The following EYA1 variants were observed in gnomAD, a reference collection of about 807,000 sequenced individuals.
EYA1 encodes the protein EYA transcriptional coactivator and phosphatase 1.
In EYA1, 16 loss-of-function variants were observed where a neutral mutation model predicts 82.0. The ratio of observed to expected loss-of-function variants is 0.20; its 90% CI spans 0.13 to 0.30. The LOEUF (loss-of-function observed/expected upper bound fraction) is 0.30. Ranked by LOEUF, EYA1 falls within the 10% of genes least tolerant of loss-of-function variation. EYA1 has a pLI of 1.00. For synonymous variants in EYA1, 261 were observed against 264.4 expected (o/e 0.99, Z 0.12); for missense variants, 633 against 730.7 (o/e 0.87, Z 1.54).
intron 3 of EYA1, among the ~76,000 whole-genome samples, chr8:71,341,272 C>T (rs752974115): frequency 2.6e-5 from 4 of 152,148 alleles, no homozygotes; most frequent in Non-Finnish European, 5.9e-5. Context: ...TATAAAGCAA[C>T]ACAATTATGC....
At chr8:71,489,300 TTCTA>T (rs1469825038) in intron 2 of EYA1, among the ~76,000 whole-genome samples, 8 of 152,182 alleles carry the variant, frequency 5.3e-5, no homozygotes, top group Admixed American at 2.6e-4. Context: ...CATTTTACTT[TTCTA>T]TCTTTTTTTT....
At chr8:71,250,400 C>T (rs1813610013) in intron 11 of EYA1, among the ~76,000 whole-genome samples, 1 of 152,168 alleles carries the variant, frequency 6.6e-6, no homozygotes, top group Non-Finnish European at 1.5e-5. Flanking sequence ...CCCCGCTGGG[C>T]CCCTTTCCCA....
chr8:71,315,533 G>A (rs766885326), intron 7 of EYA1, among the ~76,000 whole-genome samples: 7 of 152,182 alleles, frequency 4.6e-5, no homozygotes, highest in Non-Finnish European at 7.4e-5. Flanking sequence ...TTTTCCTGAT[G>A]TCTCCCGGAG....
chr8:71,345,700 A>G (rs1481265588), intron 3 of EYA1, among the ~76,000 whole-genome samples: 2 of 152,288 alleles, frequency 1.3e-5, no homozygotes, highest in East Asian at 1.9e-4. Flanking sequence ...AGAAAAAGAT[A>G]ATAATATGTA....
intron 2 of EYA1, among the ~76,000 whole-genome samples, chr8:71,402,981 T>C (rs562060574): frequency 6.6e-6 from 1 of 152,230 alleles, no homozygotes; most frequent in South Asian, 2.1e-4. Flanking sequence ...TAAAAAATAT[T>C]AAAAAGAAAA....
intron 2 of EYA1, among the ~76,000 whole-genome samples, chr8:71,514,011 C>T (rs895489638): frequency 9.2e-5 from 14 of 152,072 alleles, no homozygotes; most frequent in African/African-American, 3.1e-4. Context: ...ATATGTACCA[C>T]GTTTTCTTTA....
intron 3 of EYA1, among the ~76,000 whole-genome samples, chr8:71,353,349 T>A (rs1165251348): frequency 6.6e-6 from 1 of 152,210 alleles, no homozygotes; most frequent in African/African-American, 2.4e-5. Context: ...TTTTATTTGC[T>A]CTATAAAATC....
At chr8:71,204,779 T>C (rs1371054238) in intron 17 of EYA1, among the ~76,000 whole-genome samples, 1 of 152,220 alleles carries the variant, frequency 6.6e-6, no homozygotes. Flanking sequence ...ACTTTTCAAA[T>C]TGTAAAGAAA....
At chr8:71,523,474 G>A (rs985455204) in intron 2 of EYA1, among the ~76,000 whole-genome samples, 2 of 151,936 alleles carry the variant, frequency 1.3e-5, no homozygotes, top group South Asian at 2.1e-4. Context: ...TACCGCGCCC[G>A]GCCAAAAATC....
chr8:71,507,582 T>C (rs528801519), intron 2 of EYA1, among the ~76,000 whole-genome samples: 1 of 152,352 alleles, frequency 6.6e-6, no homozygotes. Context: ...AGGTTATTAT[T>C]CTTACAGCAT....
At chr8:71,213,072 G>GA (rs34202983) in intron 16 of EYA1, among the ~76,000 whole-genome samples, 52 of 147,436 alleles carry the variant, frequency 3.5e-4, no homozygotes, top group African/African-American at 5.0e-4. Flanking sequence ...CATGTCAAAA[G>GA]AAAAAAAAAA....
intron 6 of EYA1, among the ~76,000 whole-genome samples, chr8:71,319,347 G>T (rs527527066): frequency 2.0e-5 from 3 of 152,090 alleles, no homozygotes; most frequent in African/African-American, 7.2e-5. Context: ...AGCCAGGATG[G>T]TCTAGATCTC....
At chr8:71,339,040 A>C (rs1271090824) in intron 3 of EYA1, among the ~76,000 whole-genome samples, 1 of 152,130 alleles carries the variant, frequency 6.6e-6, no homozygotes, top group African/African-American at 2.4e-5. Flanking sequence ...ACTTACCTTC[A>C]TTCCATATTG....
At chr8:71,346,669 A>G (rs912373793) in intron 3 of EYA1, among the ~76,000 whole-genome samples, 1 of 152,040 alleles carries the variant, frequency 6.6e-6, no homozygotes, top group Non-Finnish European at 1.5e-5. Flanking sequence ...GTTATTTACT[A>G]TGGGTCAAAA....
At chr8:71,495,111 CTG>C (rs1236880586) in intron 2 of EYA1, among the ~76,000 whole-genome samples, 1 of 152,010 alleles carries the variant, frequency 6.6e-6, no homozygotes, top group African/African-American at 2.4e-5. Flanking sequence ...AGAAAAGAAA[CTG>C]AGATGCAAAA....
At chr8:71,322,454 G>T in intron 4 of EYA1, 186 bp from the exon 5 acceptor site, 1 of 616,376 alleles carries the variant, frequency 1.6e-6, no homozygotes. Flanking sequence ...CTATAAAGAG[G>T]AATGAATAGA....
At chr8:71,311,642 T>A (rs962912704) in intron 7 of EYA1, among the ~76,000 whole-genome samples, 6 of 152,212 alleles carry the variant, frequency 3.9e-5, no homozygotes, top group Non-Finnish European at 7.4e-5. Flanking sequence ...CAAAAATGAA[T>A]AAGCAAAGAT....
chr8:71,274,696 A>G (rs1816919895), intron 9 of EYA1, among the ~76,000 whole-genome samples: 1 of 152,238 alleles, frequency 6.6e-6, no homozygotes, highest in Non-Finnish European at 1.5e-5. Context: ...TAATGTGGAA[A>G]GGTCACAACA....
At chr8:71,341,353 C>T (rs1273641660) in intron 3 of EYA1, among the ~76,000 whole-genome samples, 1 of 152,118 alleles carries the variant, frequency 6.6e-6, no homozygotes, top group East Asian at 1.9e-4. Flanking sequence ...GTATCACTCA[C>T]AGATTTCATG....
Sources: allele counts gnomAD v4.1 joint callset (sites outside exome capture counted in the v4.1 genomes callset), GRCh38; gene constraint gnomAD v4.1.1; transcripts MANE v1.5; gene names NCBI Gene and HGNC (gene_info 2026-07-23, HGNC 2026-07-21).